Variants in CLRN2 observed in about 807,000 individuals in gnomAD.
CLRN2 encodes the protein clarin 2.
A neutral mutation model predicts 20.1 loss-of-function variants in CLRN2; 17 were observed. The observed-to-expected ratio is 0.85, with a 90% confidence interval of 0.58 to 1.27. CLRN2 has a LOEUF of 1.27. CLRN2 is among the 50% of genes most tolerant of loss of function. The probability of loss-of-function intolerance (pLI) is 0.00; values close to 1 mark genes in which losing one functional copy is unlikely to be tolerated. For synonymous variants in CLRN2, 140 were observed against 126.9 expected, an observed-to-expected ratio of 1.10 and a Z score of -0.70; for missense variants, 288 against 299.5, an observed-to-expected ratio of 0.96 and a Z score of 0.28.
intron 2 of CLRN2, among the ~76,000 whole-genome samples, 170 bp downstream of exon 2, chr4:17,523,213 CTTTTTTTT>C (rs113987711): frequency 2.1e-5 from 3 of 141,318 alleles, no homozygotes; most frequent in Non-Finnish European, 3.1e-5. Context: ...TTTTCTTTTT[CTTTTTTTT>C]TTTTTTTCTT....
At chr4:17,518,081 C>T (rs577970629) in intron 1 of CLRN2, among the ~76,000 whole-genome samples, 2 of 152,150 alleles carry the variant, frequency 1.3e-5, no homozygotes, top group African/African-American at 4.8e-5. Flanking sequence ...AAAATAATCC[C>T]CACAGTCGCA....
chr4:17,525,978 G>GGA (rs754417747), intron 2 of CLRN2, among the ~76,000 whole-genome samples: 12 of 151,210 alleles, frequency 7.9e-5, no homozygotes, highest in African/African-American at 2.2e-4. Context: ...GAAGAGAGGG[G>GGA]GAGAGAGAGA....
At chr4:17,515,892 C>T (rs1211170143) in intron 1 of CLRN2, among the ~76,000 whole-genome samples, 1 of 152,156 alleles carries the variant, frequency 6.6e-6, no homozygotes, top group Non-Finnish European at 1.5e-5. Flanking sequence ...TTAATGTTCC[C>T]ATTTTCCAGA....
intron 1 of CLRN2, 35 bp from the exon 2 acceptor site, chr4:17,522,829 G>C (rs756377442): frequency 6.2e-7 from 1 of 1,600,668 alleles, no homozygotes; most frequent in East Asian, 2.2e-5. Flanking sequence ...GTCTAACTCT[G>C]ACATTGAAAT....
intron 1 of CLRN2, among the ~76,000 whole-genome samples, chr4:17,520,230 CT>C (rs1372163364): frequency 6.6e-6 from 1 of 152,058 alleles, no homozygotes; most frequent in African/African-American, 2.4e-5. Context: ...CCCAAATTCC[CT>C]CTCCCCCGTC....
chr4:17,515,580 G>A (rs909198500), intron 1 of CLRN2, 61 bp downstream of exon 1: 1 of 1,567,880 alleles, frequency 6.4e-7, no homozygotes, highest in Non-Finnish European at 8.7e-7. Flanking sequence ...ATGTGTAAGA[G>A]TGCTTATGTC....
chr4:17,515,302 G>A lies in CLRN2; in HGVS notation c.36G>A (p.Leu12=), dbSNP rs753201374. The change falls in exon 1 of 3, where the codon CTG becomes CTA. Residue 12 remains leucine (L), a synonymous_variant. Transcript: ENST00000511148. ...PGWFKKAWYG[L]ASLLSFSSFI... ...GGTTCAAAAAGGCGTGGTATGGGCTGGCGTCTTTACTCAGCTTCTCCTCCT... is the reference window on the plus strand; with the variant it reads ...GGTTCAAAAAGGCGTGGTATGGGCTAGCGTCTTTACTCAGCTTCTCCTCCT... 1.8e-5 allele frequency: 29 copies of A among 1,613,866 alleles called. No homozygotes were observed. The South Asian group carries it at 2.9e-4, about 16-fold the overall frequency.
chr4:17,526,289 G>T (rs1378250607), intron 2 of CLRN2, among the ~76,000 whole-genome samples: 1 of 152,240 alleles, frequency 6.6e-6, no homozygotes, highest in East Asian at 1.9e-4. Flanking sequence ...GCCGGGTGCG[G>T]TGGCTCACAC....
In CLRN2 at chr4:17,527,075, T is replaced by C; in HGVS notation, c.692T>C (p.Leu231Ser). Residue 231 changes from leucine to serine, a missense_variant, in exon 3 of 3, where the codon TTG (leucine) becomes TCG (serine). Transcript: ENST00000511148. The part of the protein sequence containing the change: ...EEATVTAEDI[L>S]Y ...GCCACGGTCACAGCTGAGGATATCT[T>C]GTATTAATAGCCTTCCCCTGTTCAC... The C allele has an allele frequency of 6.2e-7, 1 of 1,613,826 alleles. No homozygotes were observed. The highest frequency in any genetic ancestry group is 1.1e-5 in the South Asian group (1 of 91,080).
At chr4:17,525,943 AT>A (rs35807400) in intron 2 of CLRN2, among the ~76,000 whole-genome samples, 53,859 of 151,994 alleles carry the variant, frequency 0.35, 10,338 homozygotes, top group East Asian at 0.43. Flanking sequence ...GTTATTAAAA[AT>A]ATTAATTAAA....
intron 1 of CLRN2, among the ~76,000 whole-genome samples, chr4:17,521,329 A>G (rs1711832835): frequency 6.6e-6 from 1 of 152,226 alleles, no homozygotes; most frequent in African/African-American, 2.4e-5. Flanking sequence ...ACCTAACGGG[A>G]AAAACAAAAA....
chr4:17,523,629 TG>T (rs1711890989), intron 2 of CLRN2, among the ~76,000 whole-genome samples: 1 of 150,960 alleles, frequency 6.6e-6, no homozygotes, highest in Non-Finnish European at 1.5e-5. Context: ...TAGGGAGAGG[TG>T]GGGGCCCTGA....
chr4:17,523,810 TC>T (rs548239410), intron 2 of CLRN2, among the ~76,000 whole-genome samples: 113 of 145,412 alleles, frequency 7.8e-4, no homozygotes, highest in African/African-American at 2.7e-3. Context: ...TCTTTGGTGT[TC>T]CCCCCACACA....
chr4:17,526,557 C>G (rs1294072162), intron 2 of CLRN2, among the ~76,000 whole-genome samples: 1 of 152,176 alleles, frequency 6.6e-6, no homozygotes, highest in Admixed American at 6.5e-5. Context: ...AAGACTCCAT[C>G]TCAAAACAAA....
At chr4:17,516,202 C>T (rs535204097) in intron 1 of CLRN2, among the ~76,000 whole-genome samples, 29 of 152,332 alleles carry the variant, frequency 1.9e-4, no homozygotes, top group African/African-American at 7.0e-4. Flanking sequence ...CTTGCCTGTT[C>T]TCTGTGAACG....
intron 2 of CLRN2, among the ~76,000 whole-genome samples, chr4:17,525,731 A>G (rs1456679753): frequency 6.6e-6 from 1 of 152,206 alleles, no homozygotes; most frequent in Non-Finnish European, 1.5e-5. Context: ...AGTGAGGGGA[A>G]AAAAATCAAA....
At chr4:17,522,680 C>G (rs1244728936) in intron 1 of CLRN2, among the ~76,000 whole-genome samples, 184 bp from the exon 2 acceptor site, 2 of 152,190 alleles carry the variant, frequency 1.3e-5, no homozygotes, top group Non-Finnish European at 2.9e-5. Context: ...TGTTGGTCAA[C>G]TGACAAGCAT....
At chr4:17,522,795 C>G (rs970890223) in intron 1 of CLRN2, 69 bp from the exon 2 acceptor site, 2 of 1,532,862 alleles carry the variant, frequency 1.3e-6, no homozygotes, top group African/African-American at 1.4e-5. Flanking sequence ...TCGTGGTAAG[C>G]AAGCTTGGAC....
chr4:17,516,756 T>C (rs1025433002), intron 1 of CLRN2, among the ~76,000 whole-genome samples: 1 of 147,296 alleles, frequency 6.8e-6, no homozygotes, highest in Non-Finnish European at 1.5e-5. Flanking sequence ...AAAGAAATGC[T>C]AAAAGCTAAC....
Sources: allele counts gnomAD v4.1 joint callset (sites outside exome capture counted in the v4.1 genomes callset), GRCh38; gene constraint gnomAD v4.1.1; transcripts MANE v1.5; gene names NCBI Gene and HGNC (gene_info 2026-07-23, HGNC 2026-07-21).